ARID4B: variants seen among roughly 807,000 people sequenced by gnomAD.
The protein encoded by ARID4B is AT-rich interaction domain 4B, also known as AT-rich interactive domain-containing protein 4B.
In ARID4B, 26 loss-of-function variants were observed where a neutral mutation model predicts 147.5. The observed-to-expected ratio is 0.18, with a 90% CI of 0.13 to 0.24. The LOEUF is 0.24. Ranked by LOEUF, ARID4B falls within the 10% of genes least tolerant of loss-of-function variation. The pLI, the probability that ARID4B is intolerant of heterozygous loss-of-function variation, is 1.00. For synonymous variants in ARID4B, 512 were observed against 507.9 expected, an observed-to-expected ratio of 1.01 and a Z score of -0.11; for missense variants, 1,179 against 1,511.5, an observed-to-expected ratio of 0.78 and a Z score of 3.65.
intron 7 of ARID4B, 55 bp downstream of exon 7, chr1:235,246,365 T>C (rs1012343132): frequency 1.5e-6 from 2 of 1,354,654 alleles, no homozygotes; most frequent in East Asian, 2.3e-5. Context: ...CTATAAACAA[T>C]ACTAGAAGGA....
chr1:235,224,576 A>G, intron 12 of ARID4B, 127 bp downstream of exon 12: 1 of 679,318 alleles, frequency 1.5e-6, no homozygotes. Flanking sequence ...TGGTGATATC[A>G]GAGTCAAAAA....
At chr1:235,215,289 A>T (rs913256213) in intron 16 of ARID4B, among the ~76,000 whole-genome samples, 27 of 152,116 alleles carry the variant, frequency 1.8e-4, no homozygotes, top group Admixed American at 3.9e-4. Context: ...TTTATTTTTT[A>T]AAAAATTTCA....
At chr1:235,194,797 C>A (rs1665382048) in intron 18 of ARID4B, among the ~76,000 whole-genome samples, 1 of 151,798 alleles carries the variant, frequency 6.6e-6, no homozygotes, top group African/African-American at 2.4e-5. Flanking sequence ...CCAGCCTGGG[C>A]AACAAGAGTG....
intron 11 of ARID4B, 44 bp downstream of exon 11, chr1:235,229,187 A>T: frequency 6.3e-7 from 1 of 1,587,304 alleles, no homozygotes; most frequent in Non-Finnish European, 8.6e-7. Flanking sequence ...GGGAAACCCA[A>T]CTGTTATTTA....
At chr1:235,173,771 A>AATATATATATATAT (rs1169414831) in intron 22 of ARID4B, among the ~76,000 whole-genome samples, 5 of 32,350 alleles carry the variant, frequency 1.5e-4, no homozygotes, top group Non-Finnish European at 2.6e-4. Context: ...AAAAAAAAAA[A>AATATATATATATAT]ATATATATAT....
chr1:235,182,277 C>G lies in ARID4B; in HGVS notation c.2642G>C (p.Gly881Ala). The stretch of plus-strand genomic sequence containing the variant: ...TAGAGATTTTCTTTTTTCCTCCAAA[C>G]CATTGTATTTCTTAGTTGGTGTCAT... ...AKMTPTKKYN[G>A]LEEKRKSLRT... Residue 881 changes from glycine to alanine, a missense_variant, in exon 20 of 24, where the codon GGT becomes GCT. Gly to Ala is a moderately conservative substitution (Grantham distance 60). This residue lies in a region of ARID4B where 321 missense variants were observed against 342.4 expected (regional missense o/e 0.94). Coordinates refer to ENST00000264183, the MANE Select transcript of ARID4B (RefSeq NM_016374.6). 1.2e-6 allele frequency: 2 copies of G among 1,613,724 alleles called. No homozygotes were observed. Among genetic ancestry groups the G allele is most frequent in the Non-Finnish European group, 1.7e-6 (2 of 1,179,924 alleles).
intron 23 of ARID4B, among the ~76,000 whole-genome samples, chr1:235,168,991 G>A (rs1663129692): frequency 6.6e-6 from 1 of 152,140 alleles, no homozygotes; most frequent in Admixed American, 6.5e-5. Context: ...TATCAAAACA[G>A]GAAAAATCTG....
At chr1:235,294,114 C>T (rs1015573880) in intron 2 of ARID4B, among the ~76,000 whole-genome samples, 1 of 151,806 alleles carries the variant, frequency 6.6e-6, no homozygotes, top group Admixed American at 6.6e-5. Flanking sequence ...TTATAAAACG[C>T]AATATATAAA....
intron 7 of ARID4B, 168 bp from the exon 8 acceptor site, chr1:235,240,619 T>TAA: frequency 1.5e-6 from 1 of 655,556 alleles, no homozygotes; most frequent in Non-Finnish European, 2.6e-6. Context: ...ACAGCAAGAG[T>TAA]TTATCATGAG....
chr1:235,312,541 G>A (rs1226974301), intron 2 of ARID4B, among the ~76,000 whole-genome samples: 1 of 152,094 alleles, frequency 6.6e-6, no homozygotes, highest in Non-Finnish European at 1.5e-5. Flanking sequence ...CTTTAATTTT[G>A]CTAGAAGAAC....
chr1:235,257,890 A>C (rs563025200), intron 3 of ARID4B, among the ~76,000 whole-genome samples: 3 of 152,332 alleles, frequency 2.0e-5, no homozygotes, highest in South Asian at 4.1e-4. Flanking sequence ...ATTAGGTATT[A>C]TATCATTTTG....
rs766380816 is a variant in ARID4B, at chr1:235,182,528, T to A, written c.2391A>T (p.Glu797Asp). ...CCTTTCTCTTTTTTGTGACTTCATCTTCTTCATAATCAGTATCTTCGGATA... is the reference window on the plus strand; with the variant it reads ...CCTTTCTCTTTTTTGTGACTTCATCATCTTCATAATCAGTATCTTCGGATA... ...EVLSEDTDYE[E>D]DEVTKKRKDV... The change falls in exon 20 of 24, where the codon GAA (glutamate) becomes GAT (aspartate). Residue 797 changes from glutamate (E) to aspartate (D), a missense_variant. Transcript: ENST00000264183. 1.1e-5 allele frequency: 17 copies of A among 1,612,890 alleles called. No homozygotes were observed. Among genetic ancestry groups the A allele is most frequent in the Non-Finnish European group, 1.4e-5 (16 of 1,179,822 alleles).
chr1:235,292,091 G>A (rs748079474), intron 2 of ARID4B, among the ~76,000 whole-genome samples: 46 of 152,056 alleles, frequency 3.0e-4, no homozygotes, highest in Non-Finnish European at 5.3e-4. Context: ...AGGATATTTG[G>A]ACTTTAATAA....
chr1:235,185,363 T>C (rs1376034596), intron 19 of ARID4B, among the ~76,000 whole-genome samples: 1 of 152,216 alleles, frequency 6.6e-6, no homozygotes, highest in Non-Finnish European at 1.5e-5. Flanking sequence ...ACATCTTCCT[T>C]TGTATCTCTT....
Position 235,283,147 on chromosome 1 carries a change from A to G in ARID4B, c.7-22395T>C, listed in dbSNP as rs1031237259. 9.2e-5 allele frequency among the ~76,000 whole-genome samples: 14 copies of G among 152,350 alleles called. 1 individual carries two copies. In the East Asian group the frequency reaches 2.1e-3, roughly 23 times the overall value. On this transcript the variant is annotated intron_variant, in intron 2 of 23. Transcript: ENST00000264183. ...TAAAACACATTCATTTTCATCACAA[A>G]AACAATTATGTAGATAAATAAAAAA... is the stretch of plus-strand genomic sequence containing the variant.
At chr1:235,234,354 T>G in intron 9 of ARID4B, 59 bp downstream of exon 9, 1 of 1,102,362 alleles carries the variant, frequency 9.1e-7, no homozygotes, top group East Asian at 2.5e-5. Context: ...AACATCCTAA[T>G]TCAAAATAAC....
chr1:235,238,436 G>C (rs1169443280), intron 8 of ARID4B, among the ~76,000 whole-genome samples: 1 of 152,210 alleles, frequency 6.6e-6, no homozygotes, highest in Non-Finnish European at 1.5e-5. Context: ...GACCCATTCT[G>C]TCTCTCGATA....
At chr1:235,230,594 TAAAAAA>T (rs1175996354) in intron 10 of ARID4B, among the ~76,000 whole-genome samples, 4 of 58,410 alleles carry the variant, frequency 6.8e-5, no homozygotes, top group African/African-American at 2.7e-4. Context: ...GACTATAAGC[TAAAAAA>T]AAAAAAAAAA....
chr1:235,251,355 G>A (rs1214375395), intron 6 of ARID4B, among the ~76,000 whole-genome samples: 2 of 152,040 alleles, frequency 1.3e-5, no homozygotes, highest in Non-Finnish European at 2.9e-5. Context: ...TCCAACAAGA[G>A]GAAAGGAGTC....
Sources: gnomAD v4.1 joint callset for allele counts (sites outside exome capture counted in the v4.1 genomes callset) on GRCh38, gnomAD v4.1.1 for gene constraint, gnomAD v4.1.1 regional missense constraint, MANE v1.5 for transcripts, NCBI Gene and HGNC (gene_info 2026-07-23, HGNC 2026-07-21) for gene names.